The following DNAAF11 variants were observed in gnomAD, a reference collection of about 807,000 sequenced individuals.
DNAAF11 encodes leucine rich repeat containing 6.
In DNAAF11, 45 loss-of-function variants were observed where a neutral mutation model predicts 60.8. That is an observed-to-expected ratio of 0.74 (90% CI 0.58 to 0.95). The LOEUF is 0.95. Among genes scored for constraint, DNAAF11 ranks in the 40% least tolerant of loss-of-function variants. DNAAF11 has a pLI of 0.00. For synonymous variants in DNAAF11, 191 were observed against 183.5 expected, an observed-to-expected ratio of 1.04 and a Z score of -0.33; for missense variants, 546 against 546.2, an observed-to-expected ratio of 1.00 and a Z score of 0.00.
At chr8:132,601,971 T>C (rs1009307336) in intron 10 of DNAAF11, among the ~76,000 whole-genome samples, 1 of 152,056 alleles carries the variant, frequency 6.6e-6, no homozygotes, top group Non-Finnish European at 1.5e-5. Context: ...ATTCTCCATA[T>C]GACACTAACT....
chr8:132,583,604 T>G, intron 11 of DNAAF11, 90 bp downstream of exon 11: 1 of 949,922 alleles, frequency 1.1e-6, no homozygotes, highest in Non-Finnish European at 1.7e-6. Context: ...CTTTAAATAA[T>G]TGTACAATTT....
chr8:132,594,533 T>G (rs1033839391), intron 10 of DNAAF11, among the ~76,000 whole-genome samples: 4 of 152,184 alleles, frequency 2.6e-5, no homozygotes, highest in Non-Finnish European at 4.4e-5. Flanking sequence ...AAATATCATC[T>G]GGAATTGTAA....
intron 5 of DNAAF11, among the ~76,000 whole-genome samples, chr8:132,626,519 T>G (rs1292444186): frequency 6.6e-6 from 1 of 152,230 alleles, no homozygotes; most frequent in East Asian, 1.9e-4. Context: ...ATATGAGATA[T>G]TCAACATTTG....
At chr8:132,661,109 A>G (rs1010643386) in intron 2 of DNAAF11, among the ~76,000 whole-genome samples, 1 of 152,086 alleles carries the variant, frequency 6.6e-6, no homozygotes, top group Non-Finnish European at 1.5e-5. Context: ...CTCAATTCTC[A>G]TATAAATTTG....
intron 9 of DNAAF11, 57 bp downstream of exon 9, chr8:132,611,237 C>T (rs1271293198): frequency 2.4e-6 from 3 of 1,226,296 alleles, no homozygotes; most frequent in Admixed American, 3.7e-5. Context: ...TGAGGCACCA[C>T]AGCTTAGTTC....
intron 10 of DNAAF11, among the ~76,000 whole-genome samples, chr8:132,605,066 T>C (rs1413932788): frequency 6.6e-6 from 1 of 152,198 alleles, no homozygotes. Flanking sequence ...TAAACATTAA[T>C]GTAGTGTGTA....
intron 8 of DNAAF11, 27 bp from the exon 9 acceptor site, chr8:132,611,390 A>G (rs769658223): frequency 7.3e-6 from 10 of 1,363,712 alleles, no homozygotes; most frequent in South Asian, 7.2e-5. Context: ...AGAAAATCTT[A>G]TAATTTTAAA....
At chr8:132,690,246 CCCA>C in the DNAAF11 span, among the ~76,000 whole-genome samples, 1 of 151,948 alleles carries the variant, frequency 6.6e-6, no homozygotes, top group Non-Finnish European at 1.5e-5. Flanking sequence ...ATTTGTAATC[CCCA>C]CATGTCGAGG....
chr8:132,672,286 C>T (rs1825262457), intron 1 of DNAAF11, among the ~76,000 whole-genome samples: 1 of 152,176 alleles, frequency 6.6e-6, no homozygotes, highest in South Asian at 2.1e-4. Flanking sequence ...ACTAGATCTT[C>T]TCTAAATCAC....
chr8:132,651,130 A>C (rs1026805568), intron 3 of DNAAF11, among the ~76,000 whole-genome samples: 1 of 152,126 alleles, frequency 6.6e-6, no homozygotes, highest in Non-Finnish European at 1.5e-5. Context: ...GGGTCTAAAA[A>C]TCTTGGAAAT....
intron 4 of DNAAF11, among the ~76,000 whole-genome samples, chr8:132,634,245 A>C (rs1821076850): frequency 6.6e-6 from 1 of 152,220 alleles, no homozygotes. Context: ...CGAAATAGAA[A>C]AACATAACTA....
chr8:132,657,561 G>A (rs1463991331), intron 2 of DNAAF11, among the ~76,000 whole-genome samples: 3 of 152,140 alleles, frequency 2.0e-5, no homozygotes, highest in Non-Finnish European at 4.4e-5. Flanking sequence ...ACCACATTTA[G>A]TTGGGTTTCT....
chr8:132,626,007 C>G (rs947941605), intron 5 of DNAAF11, among the ~76,000 whole-genome samples: 10 of 152,058 alleles, frequency 6.6e-5, no homozygotes, highest in Non-Finnish European at 4.4e-5. Flanking sequence ...TTAAATGATT[C>G]TCTTATCTCC....
At chr8:132,613,967 G>GTTCA (rs34374773) in intron 8 of DNAAF11, among the ~76,000 whole-genome samples, 33,235 of 151,802 alleles carry the variant, frequency 0.22, 3,957 homozygotes, top group African/African-American at 0.32. Flanking sequence ...ATCAGTATTT[G>GTTCA]TTCATTCATT....
chr8:132,666,995 T>C (rs1333082783), intron 1 of DNAAF11, among the ~76,000 whole-genome samples: 1 of 152,162 alleles, frequency 6.6e-6, no homozygotes, highest in Non-Finnish European at 1.5e-5. Context: ...AGAGAGGCCA[T>C]AGAAGATTCT....
intron 11 of DNAAF11, among the ~76,000 whole-genome samples, chr8:132,575,457 A>C (rs934789019): frequency 2.0e-5 from 3 of 152,202 alleles, no homozygotes; most frequent in African/African-American, 7.2e-5. Flanking sequence ...CCAGTGCTGT[A>C]ATCAGTGCTA....
At chr8:132,640,991 T>G (rs949932699) in intron 3 of DNAAF11, among the ~76,000 whole-genome samples, 2 of 152,146 alleles carry the variant, frequency 1.3e-5, no homozygotes, top group Non-Finnish European at 2.9e-5. Context: ...GTGGTAACAT[T>G]GTTCATTGAA....
chr8:132,661,712 T>C, intron 1 of DNAAF11, 85 bp from the exon 2 acceptor site: 2 of 1,418,582 alleles, frequency 1.4e-6, no homozygotes, highest in South Asian at 1.2e-5. Flanking sequence ...TTGTGTTTTT[T>C]TTGTTTGTTT....
intron 7 of DNAAF11, among the ~76,000 whole-genome samples, chr8:132,619,277 A>G (rs1293459036): frequency 6.7e-6 from 1 of 148,884 alleles, no homozygotes; most frequent in African/African-American, 2.5e-5. Context: ...GAAGGGGAAC[A>G]TCACACTCTG....
Sources: allele counts gnomAD v4.1 joint callset (sites outside exome capture counted in the v4.1 genomes callset), GRCh38; gene constraint gnomAD v4.1.1; transcripts MANE v1.5; gene names NCBI Gene and HGNC (gene_info 2026-07-23, HGNC 2026-07-21).